Variants in CSF1R observed in about 807,000 individuals in gnomAD.
The protein encoded by CSF1R is colony stimulating factor 1 receptor.
Under a neutral mutation model 110.0 loss-of-function variants are expected in CSF1R, and 40 were observed. The ratio of observed to expected loss-of-function variants is 0.36; its 90% CI spans 0.28 to 0.47. CSF1R has a LOEUF of 0.47. Ranked by LOEUF, CSF1R falls within the 20% of genes least tolerant of loss-of-function variation. The probability of loss-of-function intolerance (pLI) is 0.99; values close to 1 mark genes in which losing one functional copy is unlikely to be tolerated. For synonymous variants in CSF1R, 523 were observed against 503.4 expected (o/e 1.04, Z -0.52); for missense variants, 1,052 against 1,253.0 (o/e 0.84, Z 2.42).
At chr5:150,095,582 A>G (rs1375958109) in intron 1 of CSF1R, among the ~76,000 whole-genome samples, 2 of 152,158 alleles carry the variant, frequency 1.3e-5, no homozygotes, top group Admixed American at 6.5e-5. Context: ...ATAAGAAAAC[A>G]ATGGTCTAAG....
At chr5:150,081,708 C>T (rs1414836722) in intron 1 of CSF1R, among the ~76,000 whole-genome samples, 1 of 152,196 alleles carries the variant, frequency 6.6e-6, no homozygotes, top group East Asian at 1.9e-4. Flanking sequence ...ATAAATGGCT[C>T]AGTAAGAGTT....
chr5:150,076,021 G>A (rs545959443), intron 5 of CSF1R, among the ~76,000 whole-genome samples: 3 of 152,306 alleles, frequency 2.0e-5, no homozygotes, highest in Admixed American at 2.0e-4. Context: ...AGACCTAAAT[G>A]TCTCAGAGCC....
Position 150,091,704 on chromosome 5 carries a change from T to C in CSF1R, c.-180-5097A>G, listed in dbSNP as rs145091140. Among the ~76,000 whole-genome samples, 201 of 152,276 alleles carry C rather than the reference T, an allele frequency of 1.3e-3. 1 individual carries two copies. Among genetic ancestry groups the C allele is most frequent in the African/African-American group, 4.7e-3 (195 of 41,546 alleles). On this transcript the variant is annotated intron_variant, in intron 1 of 21. Transcript: ENST00000286301. ...TAAAGGTGATGGCTGCCCAGCATTG[T>C]ATTTGTCCTAAATGCCGTTGTACAC... is the stretch of plus-strand genomic sequence containing the variant.
Position 150,073,360 on chromosome 5 carries a change from G to T in CSF1R, c.1023C>A (p.Pro341=). The change falls in exon 6 of 21, where the codon CCC becomes CCA. Residue 341 remains proline, a synonymous_variant. Transcript: ENST00000675795. ...TGGGCTCAGGCTGGTGGTCAGAAAAGGGTCCCAGGTAGGTCCAGTTAAAAC... is the reference window on the plus strand; with the variant it reads ...TGGGCTCAGGCTGGTGGTCAGAAAATGGTCCCAGGTAGGTCCAGTTAAAAC... ...LQGFNWTYLG[P]FSDHQPEPKL... 1.2e-6 allele frequency: 2 copies of T among 1,614,110 alleles called. No individual in the cohort carries two copies. Among genetic ancestry groups the T allele is most frequent in the Non-Finnish European group, 1.7e-6 (2 of 1,180,014 alleles).
chr5:150,085,277 G>GAAAAAAAAAAAAAAC (rs1758787440), intron 1 of CSF1R, among the ~76,000 whole-genome samples: 1 of 92,470 alleles, frequency 1.1e-5, no homozygotes, highest in Non-Finnish European at 2.0e-5. Flanking sequence ...TCTGTCTCAG[G>GAAAAAAAAAAAAAAC]AAAAAAAAAA....
At chr5:150,073,180 G>A in intron 6 of CSF1R, 121 bp downstream of exon 6, 1 of 932,334 alleles carries the variant, frequency 1.1e-6, no homozygotes, top group Non-Finnish European at 1.6e-6. Context: ...GCCCAGAAAG[G>A]GGCAGGGACT....
intron 3 of CSF1R, among the ~76,000 whole-genome samples, chr5:150,078,563 A>G (rs1380339306): frequency 1.3e-5 from 2 of 152,092 alleles, no homozygotes; most frequent in Non-Finnish European, 2.9e-5. Context: ...TAGATTCTTC[A>G]CTAAAGTGAC....
At chr5:150,058,786 G>T (rs1757367793) in intron 14 of CSF1R, among the ~76,000 whole-genome samples, 1 of 151,868 alleles carries the variant, frequency 6.6e-6, no homozygotes, top group Non-Finnish European at 1.5e-5. Context: ...AGGGCGCAGT[G>T]TACACCCTTC....
chr5:150,063,958 G>A (rs769092869), intron 10 of CSF1R, among the ~76,000 whole-genome samples: 59 of 152,230 alleles, frequency 3.9e-4, no homozygotes, highest in Non-Finnish European at 7.9e-4. Context: ...GCCTTTAGCT[G>A]CAAGTCCTGG....
At chr5:150,063,551 C>T (rs1467552864) in intron 10 of CSF1R, among the ~76,000 whole-genome samples, 2 of 151,742 alleles carry the variant, frequency 1.3e-5, no homozygotes, top group Non-Finnish European at 2.9e-5. Flanking sequence ...AGACGCTGCC[C>T]ACTAGATAGA....
chr5:150,080,873 G>A lies in CSF1R; in HGVS notation c.201C>T (p.Ser67=), dbSNP rs200054887. The A allele has an allele frequency of 5.0e-6, 8 of 1,614,192 alleles. No individual in the cohort carries two copies. The highest frequency in any genetic ancestry group is 6.8e-6 in the Non-Finnish European group (8 of 1,180,036). Residue 67 remains serine (S), a synonymous_variant, in exon 2 of 21, where the codon AGC becomes AGT. Coordinates refer to ENST00000675795, the MANE Select transcript of CSF1R (RefSeq NM_001288705.3). ...AGGTAGCGTTGTTGGTGCTGAGGAT[G>A]CTGCTGGAGCCATCAGAGTACAGGG... is the stretch of plus-strand genomic sequence containing the variant. ...HWTLYSDGSS[S]ILSTNNATFQ... is the part of the protein sequence containing the mutation.
chr5:150,088,974 A>G (rs371205355), upstream of CSF1R, among the ~76,000 whole-genome samples: 8 of 152,372 alleles, frequency 5.3e-5, no homozygotes, highest in African/African-American at 1.9e-4. Context: ...AAATCCTCAT[A>G]TGATCATGTC....
intron 3 of CSF1R, among the ~76,000 whole-genome samples, chr5:150,078,551 C>T (rs1215552344): frequency 6.6e-6 from 1 of 152,190 alleles, no homozygotes; most frequent in African/African-American, 2.4e-5. Flanking sequence ...GCCCCCCACA[C>T]CTAGATTCTT....
At chr5:150,101,255 G>A (rs534505389) in intron 1 of CSF1R, among the ~76,000 whole-genome samples, 2 of 152,278 alleles carry the variant, frequency 1.3e-5, no homozygotes, top group Admixed American at 1.3e-4. Flanking sequence ...TGAGAAAGAC[G>A]CGCCTGAGCT....
intron 9 of CSF1R, among the ~76,000 whole-genome samples, chr5:150,069,004 GTTAATCGAGATAATC>G (rs1371969849): frequency 2.3e-4 from 35 of 152,368 alleles, no homozygotes; most frequent in Admixed American, 1.4e-3. Context: ...GTTTGTAGGA[GTTAATCGAGATAATC>G]CCCACAAAGA....
chr5:150,085,927 G>A (rs1581333061), intron 1 of CSF1R, among the ~76,000 whole-genome samples: 1 of 152,146 alleles, frequency 6.6e-6, no homozygotes, highest in Non-Finnish European at 1.5e-5. Flanking sequence ...TCTCCCAGGA[G>A]TGTGTTGGAT....
In CSF1R at chr5:150,073,412, A is replaced by G. The variant is rs1484396202; in HGVS notation, c.971T>C (p.Met324Thr). ...TTGCAGGCCTGGGTAGGCCTCCACC[A>G]TGACTTTGAGGTTGAGCCCCTCCCC... ...TVGEGLNLKV[M>T]VEAYPGLQGF... The change falls in exon 6 of 21, where the codon ATG (methionine) becomes ACG (threonine). Residue 324 changes from methionine to threonine, a missense_variant. Met to Thr is a moderately conservative substitution (Grantham distance 81). Coordinates refer to ENST00000675795, the MANE Select transcript of CSF1R (RefSeq NM_001288705.3). The G allele has an allele frequency of 5.0e-6, 8 of 1,613,948 alleles. No homozygotes were observed. Among genetic ancestry groups the G allele is most frequent in the South Asian group, 1.1e-5 (1 of 91,090 alleles).
intron 5 of CSF1R, 62 bp downstream of exon 5, chr5:150,077,214 A>C (rs1581317251): frequency 6.2e-7 from 1 of 1,604,384 alleles, no homozygotes; most frequent in Non-Finnish European, 8.5e-7. Context: ...CCTCCTCAAA[A>C]CCCTTCTGCT....
chr5:150,091,423 T>C (rs1324741664), upstream of CSF1R, among the ~76,000 whole-genome samples: 1 of 152,218 alleles, frequency 6.6e-6, no homozygotes, highest in Non-Finnish European at 1.5e-5. Flanking sequence ...CAATTGAATA[T>C]TATTCAGCTA....
Sources: gnomAD v4.1 joint callset for allele counts (sites outside exome capture counted in the v4.1 genomes callset) on GRCh38, gnomAD v4.1.1 for gene constraint, MANE v1.5 for transcripts, NCBI Gene and HGNC (gene_info 2026-07-23, HGNC 2026-07-21) for gene names.